Variants in GAB2 observed in about 807,000 individuals in gnomAD.
GAB2 encodes the protein GRB2-associated-binding protein 2.
Under a neutral mutation model 65.5 loss-of-function variants are expected in GAB2, and 26 were observed. The ratio of observed to expected loss-of-function variants is 0.40; its 90% CI spans 0.29 to 0.55. GAB2 has a LOEUF of 0.55. GAB2 is among the 20% of genes least tolerant of loss of function. GAB2 has a pLI of 0.53. For missense variants in GAB2, 884 were observed against 875.8 expected, an observed-to-expected ratio of 1.01 and a Z score of -0.12; for synonymous variants, 321 against 329.6, an observed-to-expected ratio of 0.97 and a Z score of 0.28.
intron 3 of GAB2, among the ~76,000 whole-genome samples, chr11:78,236,587 T>A (rs1045985549): frequency 1.3e-5 from 2 of 152,256 alleles, no homozygotes; most frequent in Non-Finnish European, 2.9e-5. Context: ...TTAGGTATGA[T>A]CTTAGCTATA....
chr11:78,343,683 C>T (rs1255619073), intron 1 of GAB2, among the ~76,000 whole-genome samples: 3 of 151,812 alleles, frequency 2.0e-5, no homozygotes, highest in African/African-American at 7.3e-5. Context: ...ACAAATGTAG[C>T]GTGAGGCACA....
At chr11:78,288,382 G>GAAA (rs369041941) in intron 1 of GAB2, among the ~76,000 whole-genome samples, 51 of 119,530 alleles carry the variant, frequency 4.3e-4, no homozygotes, top group Middle Eastern at 4.4e-3. Flanking sequence ...CCATCTCAAA[G>GAAA]AAAAAAAAAA....
chr11:78,343,287 C>T (rs1856128193), intron 1 of GAB2, among the ~76,000 whole-genome samples: 1 of 151,908 alleles, frequency 6.6e-6, no homozygotes, highest in African/African-American at 2.4e-5. Flanking sequence ...TCTTCTGCTT[C>T]CCCGTTGATA....
intron 1 of GAB2, among the ~76,000 whole-genome samples, chr11:78,315,850 C>T (rs1043924402): frequency 6.6e-5 from 10 of 152,168 alleles, no homozygotes; most frequent in African/African-American, 2.2e-4. Flanking sequence ...AGTACTGTTT[C>T]TGGGTTTATC....
intron 1 of GAB2, among the ~76,000 whole-genome samples, chr11:78,363,828 C>A (rs1351647292): frequency 6.6e-6 from 1 of 152,112 alleles, no homozygotes; most frequent in Non-Finnish European, 1.5e-5. Context: ...ACAAAATCCA[C>A]CCACCTCAGC....
chr11:78,317,642 AT>A (rs914053128), intron 1 of GAB2, among the ~76,000 whole-genome samples: 1 of 152,028 alleles, frequency 6.6e-6, no homozygotes, highest in Non-Finnish European at 1.5e-5. Flanking sequence ...AGAAGAAATA[AT>A]TTTTTTAAAA....
intron 2 of GAB2, among the ~76,000 whole-genome samples, chr11:78,257,441 T>C (rs1865623080): frequency 2.6e-5 from 4 of 152,210 alleles, no homozygotes; most frequent in African/African-American, 9.6e-5. Flanking sequence ...TCTGTAGCCT[T>C]GGATATGTTA....
intron 1 of GAB2, among the ~76,000 whole-genome samples, chr11:78,347,929 G>T (rs1297275951): frequency 2.0e-5 from 3 of 152,042 alleles, no homozygotes; most frequent in Admixed American, 6.6e-5. Context: ...TGACTCCCCT[G>T]AAACTTAACT....
intron 1 of GAB2, among the ~76,000 whole-genome samples, chr11:78,394,966 C>CT (rs1856877322): frequency 6.6e-6 from 1 of 152,178 alleles, no homozygotes; most frequent in Non-Finnish European, 1.5e-5. Context: ...TAAATGCCAT[C>CT]TAGGAGGACT....
At chr11:78,252,360 C>T (rs986529193) in intron 2 of GAB2, among the ~76,000 whole-genome samples, 3 of 152,132 alleles carry the variant, frequency 2.0e-5, no homozygotes, top group African/African-American at 4.8e-5. Context: ...TTAACAGAAT[C>T]GATAGCTCAT....
rs1039130971 is a variant in GAB2 at position 78,215,891 on chromosome 11, C to G, written c.*3381G>C. ...ATAGGGGTGCTGGGCCGAGATGTCC[C>G]CATGGGAGAAGGGGCCAGAGGGAGG... On this transcript the variant is annotated 3_prime_UTR_variant, in exon 10 of 10. Coordinates refer to ENST00000361507, the MANE Select transcript of GAB2 (RefSeq NM_080491.3). 6.6e-5 allele frequency: 10 copies of G among 152,670 alleles called. 1 individual carries two copies. The highest frequency in any genetic ancestry group is 2.4e-4 in the African/African-American group (10 of 41,444). 9.5% of individuals were successfully genotyped at this position (152,670 alleles called of 1,614,324 possible).
At chr11:78,364,350 T>C (rs1856471050) in intron 1 of GAB2, among the ~76,000 whole-genome samples, 2 of 152,204 alleles carry the variant, frequency 1.3e-5, no homozygotes, top group African/African-American at 4.8e-5. Context: ...CCATCTTTAC[T>C]CCAATACAGA....
chr11:78,232,416 T>C (rs1864871949), intron 3 of GAB2, among the ~76,000 whole-genome samples: 1 of 152,202 alleles, frequency 6.6e-6, no homozygotes. Flanking sequence ...GAATCTGGAA[T>C]GAGGCCCCAA....
chr11:78,222,308 T>A (rs987397399), intron 6 of GAB2, 113 bp from the exon 7 acceptor site: 2 of 712,988 alleles, frequency 2.8e-6, no homozygotes, highest in African/African-American at 3.5e-5. Context: ...TCATTCCAGT[T>A]TCACACAGGG....
At chr11:78,244,693 C>T (rs895239426) in intron 3 of GAB2, among the ~76,000 whole-genome samples, 2 of 146,074 alleles carry the variant, frequency 1.4e-5, no homozygotes, top group Non-Finnish European at 3.0e-5. Flanking sequence ...AAAAGCTTGC[C>T]GTCTCACTAA....
At chr11:78,295,071 C>T (rs1024576375) in intron 1 of GAB2, among the ~76,000 whole-genome samples, 4 of 152,102 alleles carry the variant, frequency 2.6e-5, no homozygotes, top group Non-Finnish European at 5.9e-5. Flanking sequence ...AAAAAGTTGA[C>T]GAAGAATATG....
At chr11:78,388,454 G>T (rs1397402578) in intron 1 of GAB2, among the ~76,000 whole-genome samples, 1 of 152,076 alleles carries the variant, frequency 6.6e-6, no homozygotes, top group East Asian at 1.9e-4. Context: ...AGCCTCCTGA[G>T]TAGCTGGGAC....
At chr11:78,248,750 T>C (rs1003989701) in intron 3 of GAB2, among the ~76,000 whole-genome samples, 17 of 152,242 alleles carry the variant, frequency 1.1e-4, no homozygotes, top group African/African-American at 4.1e-4. Context: ...GGTTAAATAA[T>C]TGGCCCAAGA....
At chr11:78,329,705 G>A (rs1855883334) in intron 1 of GAB2, among the ~76,000 whole-genome samples, 1 of 152,188 alleles carries the variant, frequency 6.6e-6, no homozygotes, top group African/African-American at 2.4e-5. Context: ...AAGCAGTTTT[G>A]TACTTGGAAG....
Sources: gnomAD v4.1 joint callset for allele counts (sites outside exome capture counted in the v4.1 genomes callset) on GRCh38, gnomAD v4.1.1 for gene constraint, MANE v1.5 for transcripts, NCBI Gene and HGNC (gene_info 2026-07-23, HGNC 2026-07-21) for gene names.